Variants in CHP1 observed in about 807,000 individuals in gnomAD.
CHP1 encodes calcineurin like EF-hand protein 1, also known as calcineurin B homologous protein 1.
CHP1 carries 11 observed loss-of-function variants against 27.4 expected under a neutral mutation model. That is an observed-to-expected ratio of 0.40 (90% CI 0.25 to 0.67). The LOEUF (loss-of-function observed/expected upper bound fraction) is 0.67, where lower values mean the gene tolerates loss of function less well. CHP1 is among the 30% of genes least tolerant of loss of function. CHP1 has a pLI of 0.38. For missense variants in CHP1, 169 were observed against 251.3 expected, an observed-to-expected ratio of 0.67 and a Z score of 2.22; for synonymous variants, 89 against 87.4, an observed-to-expected ratio of 1.02 and a Z score of -0.10.
intron 3 of CHP1, among the ~76,000 whole-genome samples, chr15:41,260,362 A>C (rs924010475): frequency 1.3e-5 from 2 of 151,794 alleles, no homozygotes; most frequent in Admixed American, 6.6e-5. Context: ...TTAAGTACCA[A>C]AAAGGCTTTA....
At chr15:41,247,770 C>A (rs902420539) in intron 2 of CHP1, among the ~76,000 whole-genome samples, 1 of 151,760 alleles carries the variant, frequency 6.6e-6, no homozygotes, top group Non-Finnish European at 1.5e-5. Context: ...CAAGAGAAGA[C>A]CAACCTGGCT....
chr15:41,256,913 G>A lies in CHP1; in HGVS notation c.144G>A (p.Arg48=), dbSNP rs769947171. Residue 48 remains arginine (R), a synonymous_variant, in exon 3 of 7, where the codon CGG becomes CGA. Transcript: ENST00000334660. ...LDKGENGTLS[R]EDFQRIPELA... is the part of the protein sequence containing the mutation. ...CTCAAGGTGATTCTCTTGGCAGCCG[G>A]GAAGATTTCCAGAGGATTCCAGAAC... The A allele has an allele frequency of 1.9e-6, 3 of 1,613,916 alleles. No homozygotes were observed. Among genetic ancestry groups the A allele is most frequent in the Middle Eastern group, 1.6e-4 (1 of 6,084 alleles).
chr15:41,243,761 T>C, intron 2 of CHP1, 22 bp downstream of exon 2: 1 of 1,610,200 alleles, frequency 6.2e-7, no homozygotes, highest in South Asian at 1.1e-5. Flanking sequence ...TTTTCTTTAT[T>C]TTCCTCACAG....
intron 2 of CHP1, among the ~76,000 whole-genome samples, chr15:41,247,760 C>G (rs1029626737): frequency 3.3e-4 from 50 of 151,720 alleles, no homozygotes; most frequent in African/African-American, 1.1e-3. Flanking sequence ...ATCATGGGGT[C>G]AAGAGAAGAC....
chr15:41,274,401 T>C (rs545421226), intron 5 of CHP1, among the ~76,000 whole-genome samples: 1 of 152,308 alleles, frequency 6.6e-6, no homozygotes, highest in East Asian at 1.9e-4. Flanking sequence ...TTCATGTCCT[T>C]ATTAACAGAT....
At chr15:41,238,603 G>A (rs570481449) in intron 1 of CHP1, among the ~76,000 whole-genome samples, 44 of 152,090 alleles carry the variant, frequency 2.9e-4, no homozygotes, top group African/African-American at 9.4e-4. Context: ...ACTTTAGGGC[G>A]GCTGAGGCGG....
rs199885497 is a variant in CHP1 at position 41,262,751 on chromosome 15, A to C, written c.222-5A>C. 9 of 1,612,120 alleles carry C rather than the reference A, an allele frequency of 5.6e-6. No homozygotes were observed. The East Asian group carries it at 1.3e-4, about 24-fold the overall frequency. ...GGTGTTGTGTTTGTTATATTTCACA[A>C]TCAGAGAGGACCAGGTAAACTTCCG... On this transcript the variant is annotated splice_region_variant and splice_polypyrimidine_tract_variant and intron_variant, in intron 3 of 6. Coordinates refer to ENST00000334660, the MANE Select transcript of CHP1 (RefSeq NM_007236.5).
intron 2 of CHP1, among the ~76,000 whole-genome samples, chr15:41,247,164 T>C (rs1386066512): frequency 2.7e-5 from 4 of 150,862 alleles, no homozygotes; most frequent in Non-Finnish European, 1.5e-5. Context: ...AGGCCAGGAG[T>C]TTGAGATCGG....
chr15:41,242,126 T>A (rs1000741057), intron 1 of CHP1, among the ~76,000 whole-genome samples: 4 of 152,204 alleles, frequency 2.6e-5, no homozygotes, highest in Non-Finnish European at 4.4e-5. Context: ...GCAAAATAGC[T>A]TTCTGGTAGA....
chr15:41,264,334 T>C, intron 4 of CHP1: 1 of 526,016 alleles, frequency 1.9e-6, no homozygotes, highest in Non-Finnish European at 2.9e-6. Context: ...ATGCTGTGAT[T>C]GGGGTTCTGC....
intron 1 of CHP1, among the ~76,000 whole-genome samples, chr15:41,237,686 T>A (rs2047284487): frequency 6.6e-6 from 1 of 152,152 alleles, no homozygotes. Context: ...AGTCTGTTCT[T>A]CTGCATTAAG....
intron 4 of CHP1, among the ~76,000 whole-genome samples, chr15:41,265,836 G>A (rs1330358587): frequency 6.6e-6 from 1 of 152,100 alleles, no homozygotes; most frequent in Non-Finnish European, 1.5e-5. Flanking sequence ...TCTTTTCTAA[G>A]CCACGGTGAG....
chr15:41,245,387 A>G (rs1438958058), intron 2 of CHP1, among the ~76,000 whole-genome samples: 1 of 152,218 alleles, frequency 6.6e-6, no homozygotes, highest in Non-Finnish European at 1.5e-5. Context: ...AGGCTGAGGC[A>G]GGAGAATTGC....
intron 2 of CHP1, among the ~76,000 whole-genome samples, chr15:41,250,234 T>C (rs992219087): frequency 6.6e-6 from 1 of 152,128 alleles, no homozygotes; most frequent in African/African-American, 2.4e-5. Context: ...GGGAGAAGTG[T>C]TTGCCAAATT....
At chr15:41,231,659 T>G (rs987023159) in intron 1 of CHP1, among the ~76,000 whole-genome samples, 30 of 152,042 alleles carry the variant, frequency 2.0e-4, no homozygotes, top group African/African-American at 7.2e-4. Flanking sequence ...TGTCCTTCCC[T>G]TCAAAATCGG....
At position 41,275,966 on chromosome 15, in the gene CHP1, C is replaced by T. The variant is rs927129123; in HGVS notation, c.412-2801C>T. Among the ~76,000 whole-genome samples the T allele has an allele frequency of 3.9e-5, 6 of 152,098 alleles. No individual in the cohort carries two copies. The South Asian group carries it at 8.3e-4, about 21-fold the overall frequency. ...TTTAAAAAGTAAATTACAGGCCGGG[C>T]GCAGTGGCTCACGCCTGTAATCCCA... is the stretch of plus-strand genomic sequence containing the variant. On this transcript the variant is annotated intron_variant, in intron 5 of 6. Coordinates refer to ENST00000334660, the MANE Select transcript of CHP1 (RefSeq NM_007236.5).
chr15:41,234,396 T>G (rs966141558), intron 1 of CHP1, among the ~76,000 whole-genome samples: 1 of 152,196 alleles, frequency 6.6e-6, no homozygotes, highest in Admixed American at 6.5e-5. Flanking sequence ...TGGAAAACTA[T>G]CTATCAGAAG....
chr15:41,271,038 G>A (rs565092521), intron 5 of CHP1, among the ~76,000 whole-genome samples: 181 of 152,132 alleles, frequency 1.2e-3, no homozygotes, highest in African/African-American at 4.3e-3. Flanking sequence ...GGTGGATCAC[G>A]AGGTCAGGAG....
At chr15:41,235,783 A>C (rs2047273717) in intron 1 of CHP1, among the ~76,000 whole-genome samples, 1 of 152,192 alleles carries the variant, frequency 6.6e-6, no homozygotes, top group African/African-American at 2.4e-5. Flanking sequence ...TCATGGCTAG[A>C]ATGTAAGTAG....
Sources: allele counts gnomAD v4.1 joint callset (sites outside exome capture counted in the v4.1 genomes callset), GRCh38; gene constraint gnomAD v4.1.1; transcripts MANE v1.5; gene names NCBI Gene and HGNC (gene_info 2026-07-23, HGNC 2026-07-21).